MIB1: variants seen among roughly 807,000 people sequenced by gnomAD.
MIB1 encodes E3 ubiquitin-protein ligase MIB1.
A neutral mutation model predicts 124.5 loss-of-function variants in MIB1; 278 were observed. The observed-to-expected ratio is 2.23, with a 90% CI of 2.02 to 2.47. The LOEUF (loss-of-function observed/expected upper bound fraction) is 2.47, where lower values mean the gene tolerates loss of function less well. Ranked by LOEUF, MIB1 falls within the 30% of genes most tolerant of loss-of-function variation. The pLI, the probability that MIB1 is intolerant of heterozygous loss-of-function variation, is 0.00. For missense variants in MIB1, 957 were observed against 1,254.4 expected, an observed-to-expected ratio of 0.76 and a Z score of 3.58; for synonymous variants, 446 against 429.4, an observed-to-expected ratio of 1.04 and a Z score of -0.48.
intron 3 of MIB1, among the ~76,000 whole-genome samples, chr18:21,769,839 G>A (rs1330035100): frequency 6.6e-6 from 1 of 152,182 alleles, no homozygotes; most frequent in African/African-American, 2.4e-5. Flanking sequence ...ATAAAAGAAG[G>A]CATTCTTGAG....
chr18:21,815,914 A>G, intron 11 of MIB1, 101 bp downstream of exon 11: 1 of 1,037,656 alleles, frequency 9.6e-7, no homozygotes, highest in Non-Finnish European at 1.4e-6. Context: ...CCGTTCTCAT[A>G]TGTCATAGTA....
intron 1 of MIB1, among the ~76,000 whole-genome samples, chr18:21,727,730 G>A (rs2040749163): frequency 6.6e-6 from 1 of 152,142 alleles, no homozygotes; most frequent in Admixed American, 6.6e-5. Context: ...CTGCAGCCTG[G>A]GTGACAGAGC....
chr18:21,786,148 G>A (rs2041432534), intron 6 of MIB1, among the ~76,000 whole-genome samples: 1 of 151,934 alleles, frequency 6.6e-6, no homozygotes, highest in African/African-American at 2.4e-5. Context: ...CCAGGCTGGA[G>A]TGCAGTGGCA....
chr18:21,719,854 A>G (rs2040706934), intron 1 of MIB1, among the ~76,000 whole-genome samples: 1 of 152,174 alleles, frequency 6.6e-6, no homozygotes, highest in Admixed American at 6.6e-5. Flanking sequence ...CTCATTTCTA[A>G]TAAGTCTTCC....
At chr18:21,739,321 G>A (rs761400693), upstream of MIB1, among the ~76,000 whole-genome samples, 13 of 152,090 alleles carry the variant, frequency 8.5e-5, no homozygotes, top group Non-Finnish European at 1.5e-4. Context: ...AAGAAGTCCA[G>A]GACCAGACAG....
In MIB1 at chr18:21,716,913, A is replaced by C. The variant is rs539534901; in HGVS notation, n.167+11790A>C. Among the ~76,000 whole-genome samples the C allele has an allele frequency of 7.9e-5, 12 of 152,326 alleles. 1 individual carries two copies. In the East Asian group the frequency reaches 1.9e-3, roughly 24 times the overall value. On this transcript the variant is annotated intron_variant and non_coding_transcript_variant, in intron 1 of 20. Transcript: ENST00000578646. ...AGAATGGATAAGAATTCACCTGTCA[A>C]CTATCTGCTGCCTTCAAGAGACTTA...
chr18:21,848,345 G>A (rs1457449135), intron 16 of MIB1, among the ~76,000 whole-genome samples: 4 of 152,044 alleles, frequency 2.6e-5, no homozygotes, highest in Non-Finnish European at 5.9e-5. Flanking sequence ...CTACTTGGGA[G>A]GCTGAGGCAG....
At position 21,865,892 on chromosome 18, in the gene MIB1, T is replaced by G. The variant is rs1156404255; in HGVS notation, c.*1226T>G. 1.3e-5 allele frequency: 2 copies of G among 152,292 alleles called. No individual in the cohort carries two copies. Among genetic ancestry groups the G allele is most frequent in the Non-Finnish European group, 2.9e-5 (2 of 68,036 alleles). The allele number at this position is 152,292 out of a possible 1,614,324, so 9.4% of individuals were successfully genotyped here. ...CAGGACATGTATAGAAATGTCTGCT[T>G]ACCTGTAGACTTTAAAAACAAACAA... is the stretch of plus-strand genomic sequence containing the variant. On this transcript the variant is annotated 3_prime_UTR_variant, in exon 21 of 21. Coordinates refer to ENST00000261537, the MANE Select transcript of MIB1 (RefSeq NM_020774.4).
chr18:21,786,555 C>T (rs2041438039), intron 6 of MIB1, among the ~76,000 whole-genome samples: 1 of 151,640 alleles, frequency 6.6e-6, no homozygotes, highest in Non-Finnish European at 1.5e-5. Context: ...TCTTTCTCAA[C>T]TCTCTCTTGA....
chr18:21,859,516 A>C (rs1251290237), intron 20 of MIB1, among the ~76,000 whole-genome samples: 1 of 152,176 alleles, frequency 6.6e-6, no homozygotes, highest in Non-Finnish European at 1.5e-5. Context: ...GTACCAGATA[A>C]ATGAATTTGA....
intron 1 of MIB1, among the ~76,000 whole-genome samples, chr18:21,734,533 CTCTT>C (rs1032149206): frequency 2.7e-5 from 4 of 148,574 alleles, no homozygotes; most frequent in South Asian, 2.1e-4. Context: ...TTCTCTTTCT[CTCTT>C]TCTTTCTTTC....
chr18:21,844,363 A>G, intron 15 of MIB1, 110 bp downstream of exon 15: 1 of 1,145,704 alleles, frequency 8.7e-7, no homozygotes, highest in Non-Finnish European at 1.2e-6. Flanking sequence ...TATCAGAGCT[A>G]TGTACTTAGA....
intron 9 of MIB1, among the ~76,000 whole-genome samples, chr18:21,802,037 AT>A (rs940720705): frequency 2.0e-5 from 3 of 151,928 alleles, no homozygotes; most frequent in Non-Finnish European, 2.9e-5. Flanking sequence ...TAATATCTGA[AT>A]TTTTTTTAAC....
intron 1 of MIB1, among the ~76,000 whole-genome samples, chr18:21,764,833 GGA>G (rs1054556287): frequency 2.6e-5 from 4 of 151,990 alleles, no homozygotes; most frequent in Non-Finnish European, 4.4e-5. Flanking sequence ...AAATACAGAC[GGA>G]GTCAGAACTT....
chr18:21,841,306 G>T (rs893867210), intron 13 of MIB1, among the ~76,000 whole-genome samples: 1 of 152,174 alleles, frequency 6.6e-6, no homozygotes, highest in Non-Finnish European at 1.5e-5. Flanking sequence ...AGTAGAGGTT[G>T]CAGTGAGCCA....
At chr18:21,782,461 C>T (rs1188372438) in intron 6 of MIB1, among the ~76,000 whole-genome samples, 2 of 152,132 alleles carry the variant, frequency 1.3e-5, no homozygotes, top group Non-Finnish European at 2.9e-5. Context: ...ATAGATATCC[C>T]TCTTACTACT....
At chr18:21,716,411 C>T (rs2040689879) in intron 1 of MIB1, among the ~76,000 whole-genome samples, 1 of 152,132 alleles carries the variant, frequency 6.6e-6, no homozygotes, top group Non-Finnish European at 1.5e-5. Context: ...AACAGAACCT[C>T]TTTAAAGCAT....
At chr18:21,777,109 T>C (rs1335459072) in intron 4 of MIB1, among the ~76,000 whole-genome samples, 1 of 152,014 alleles carries the variant, frequency 6.6e-6, no homozygotes, top group Non-Finnish European at 1.5e-5. Flanking sequence ...TTGTTTTTGG[T>C]AAAAGTATCT....
At chr18:21,792,562 A>G (rs186611176) in intron 7 of MIB1, among the ~76,000 whole-genome samples, 1 of 152,328 alleles carries the variant, frequency 6.6e-6, no homozygotes, top group Non-Finnish European at 1.5e-5. Context: ...CCTATTAGGC[A>G]GGGCTACAAT....
Sources: allele counts gnomAD v4.1 joint callset (sites outside exome capture counted in the v4.1 genomes callset), GRCh38; gene constraint gnomAD v4.1.1; transcripts MANE v1.5; gene names NCBI Gene and HGNC (gene_info 2026-07-23, HGNC 2026-07-21).